The following AKAP13 variants were observed in gnomAD, a reference collection of about 807,000 sequenced individuals.
AKAP13 encodes the protein A-kinase anchoring protein 13.
A neutral mutation model predicts 264.5 loss-of-function variants in AKAP13; 80 were observed. The ratio of observed to expected loss-of-function variants is 0.30; its 90% confidence interval spans 0.25 to 0.36. The LOEUF is 0.36. AKAP13 is among the 10% of genes least tolerant of loss of function. The pLI is 1.00. For synonymous variants in AKAP13, 1,380 were observed against 1,250.2 expected, an observed-to-expected ratio of 1.10 and a Z score of -2.19; for missense variants, 3,712 against 3,435.2, an observed-to-expected ratio of 1.08 and a Z score of -2.01.
intron 14 of AKAP13, among the ~76,000 whole-genome samples, chr15:85,672,044 G>A (rs1029806894): frequency 1.3e-5 from 2 of 152,166 alleles, no homozygotes; most frequent in African/African-American, 4.8e-5. Flanking sequence ...TCCCCAAAGC[G>A]CTATTCTAGA....
chr15:85,727,179 A>G lies in AKAP13; in HGVS notation c.6936A>G (p.Glu2312=). 6.2e-7 allele frequency: 1 copy of G among 1,614,208 alleles called. No homozygotes were observed. Among genetic ancestry groups the G allele is most frequent in the Non-Finnish European group, 8.5e-7 (1 of 1,180,022 alleles). The change falls in exon 28 of 37, where the codon GAA becomes GAG. Residue 2312 remains glutamate (E), a synonymous_variant. Coordinates refer to ENST00000394518, the MANE Select transcript of AKAP13 (RefSeq NM_007200.5). The surrounding 1 kb of genome is among the most constrained non-coding windows in gnomAD (Gnocchi z 5.3). ...SMGMTDPEMV[E]VHASSKEERN... ...GGATGACAGATCCAGAGATGGTAGA[A>G]GTCCATGCCAGCTCCAAAGAGGAAC... is the stretch of plus-strand genomic sequence containing the variant.
chr15:85,705,271 G>A (rs1316238210), intron 17 of AKAP13, among the ~76,000 whole-genome samples: 1 of 152,080 alleles, frequency 6.6e-6, no homozygotes, highest in Non-Finnish European at 1.5e-5. Context: ...TTAAATCTCT[G>A]TAGGGTGTTG....
chr15:85,725,472 A>AT (rs1284969075), intron 26 of AKAP13, among the ~76,000 whole-genome samples: 1 of 152,206 alleles, frequency 6.6e-6, no homozygotes, highest in Non-Finnish European at 1.5e-5. Context: ...TACACAGAAA[A>AT]TTGCAGTAGT....
At chr15:85,399,593 T>TA (rs1387274546) in intron 1 of AKAP13, among the ~76,000 whole-genome samples, 2 of 150,564 alleles carry the variant, frequency 1.3e-5, no homozygotes, top group African/African-American at 4.9e-5. Flanking sequence ...CTCATAGAAT[T>TA]ACTGGATTAC....
Position 85,521,472 on chromosome 15 carries a change from T to G in AKAP13, c.78T>G (p.Ala26=). The change falls in exon 3 of 37, where the codon GCT becomes GCG. Residue 26 remains alanine, a synonymous_variant. Coordinates refer to ENST00000394518, the MANE Select transcript of AKAP13 (RefSeq NM_007200.5). ...TGCTGCTTGCTGAAGAGGACAAAGC[T>G]GAAGATGATGTAGTGTTTTACTTGG... is the stretch of plus-strand genomic sequence containing the variant. ...VTVLLAEEDK[A]EDDVVFYLVF... 2 of 1,614,196 alleles carry G rather than the reference T, an allele frequency of 1.2e-6. No homozygotes were observed. The highest frequency in any genetic ancestry group is 1.7e-5 in the Admixed American group (1 of 60,026).
intron 1 of AKAP13, among the ~76,000 whole-genome samples, chr15:85,462,130 A>G (rs1194662681): frequency 6.6e-6 from 1 of 152,200 alleles, no homozygotes; most frequent in Non-Finnish European, 1.5e-5. Context: ...ACCAGCAGTC[A>G]CTGGATGAGT....
rs373428614 is a variant in AKAP13 at position 85,536,723 on chromosome 15, A to G, written c.478+2843A>G. The G allele has an allele frequency of 3.3e-5, 5 of 152,352 alleles. No homozygotes were observed. In the East Asian group the frequency reaches 9.6e-4, roughly 29 times the overall value. 9.4% of individuals were successfully genotyped at this position (152,352 alleles called of 1,614,324 possible). ...ATGCGGGAAAATGAAGTCAGTTTCCAAAGGTTCCATACTATGTGATTCTAT... is the reference window on the plus strand; with the variant it reads ...ATGCGGGAAAATGAAGTCAGTTTCCGAAGGTTCCATACTATGTGATTCTAT... On this transcript the variant is annotated intron_variant, in intron 4 of 36. Transcript: ENST00000394518.
intron 33 of AKAP13, among the ~76,000 whole-genome samples, chr15:85,738,875 TG>T (rs1270988296): frequency 7.0e-6 from 1 of 143,388 alleles, no homozygotes; most frequent in Non-Finnish European, 1.5e-5. Flanking sequence ...AAAAGTTTGG[TG>T]TTTATATTTC....
At chr15:85,498,203 T>TAGATAG (rs1222254476) in intron 2 of AKAP13, among the ~76,000 whole-genome samples, 2 of 14,358 alleles carry the variant, frequency 1.4e-4, no homozygotes, top group South Asian at 1.8e-3. Flanking sequence ...AAGTGAGATA[T>TAGATAG]ATATATATAT....
intron 33 of AKAP13, among the ~76,000 whole-genome samples, chr15:85,738,737 C>T (rs1258884221): frequency 1.3e-5 from 2 of 149,666 alleles, no homozygotes; most frequent in East Asian, 3.9e-4. Context: ...ACTCGGGAGG[C>T]TGAGGCAGGA....
At chr15:85,643,963 G>C (rs542100814) in intron 9 of AKAP13, among the ~76,000 whole-genome samples, 2 of 152,162 alleles carry the variant, frequency 1.3e-5, no homozygotes, top group African/African-American at 4.8e-5. Flanking sequence ...GACTGTCCCC[G>C]TTTTGGATGC....
intron 1 of AKAP13, among the ~76,000 whole-genome samples, chr15:85,475,073 G>A (rs775018421): frequency 1.3e-5 from 2 of 152,146 alleles, no homozygotes; most frequent in Non-Finnish European, 1.5e-5. Flanking sequence ...TTTATAATTG[G>A]TTTAGCCCAT....
chr15:85,593,194 C>T (rs891668525), intron 8 of AKAP13, among the ~76,000 whole-genome samples: 7 of 152,116 alleles, frequency 4.6e-5, no homozygotes, highest in Non-Finnish European at 8.8e-5. Flanking sequence ...CCCCTGTAAT[C>T]CCAGCTACTT....
intron 8 of AKAP13, chr15:85,619,212 G>C (rs902654979): frequency 1.2e-5 from 3 of 245,426 alleles, no homozygotes; most frequent in African/African-American, 7.0e-5. Flanking sequence ...TTTTCTCTTC[G>C]TCTCGGTAGA....
intron 13 of AKAP13, among the ~76,000 whole-genome samples, chr15:85,665,341 C>A (rs1264755694): frequency 2.0e-5 from 3 of 152,172 alleles, no homozygotes; most frequent in Non-Finnish European, 2.9e-5. Context: ...CCATCTTTTA[C>A]CCTCTCAATA....
intron 33 of AKAP13, among the ~76,000 whole-genome samples, chr15:85,737,633 C>G (rs1189682337): frequency 6.6e-6 from 1 of 152,112 alleles, no homozygotes; most frequent in Non-Finnish European, 1.5e-5. Flanking sequence ...AGGAATCCTT[C>G]AGTGTGCTTA....
intron 33 of AKAP13, among the ~76,000 whole-genome samples, chr15:85,737,655 C>T (rs1465127268): frequency 6.6e-6 from 1 of 152,126 alleles, no homozygotes; most frequent in Non-Finnish European, 1.5e-5. Context: ...CTTTAAATGA[C>T]AAACCTGAGC....
intron 8 of AKAP13, among the ~76,000 whole-genome samples, chr15:85,606,870 G>C (rs1432147759): frequency 6.6e-6 from 1 of 152,128 alleles, no homozygotes; most frequent in Non-Finnish European, 1.5e-5. Context: ...TTCTTTCCCA[G>C]GATCACCTCT....
In AKAP13 at chr15:85,498,437, C is replaced by CT. The variant is rs2075950639; in HGVS notation, c.33+12687dup. ...AACACCTTCCTTGTAAGGTAACTTA[C>CT]TTTATCTCCTCACCCATGTGAGATC... is the stretch of plus-strand genomic sequence containing the variant. On this transcript the variant is annotated intron_variant, in intron 2 of 36. Transcript: ENST00000394518. Among the ~76,000 whole-genome samples the CT allele has an allele frequency of 2.0e-5, 3 of 152,074 alleles. No homozygotes were observed. In the East Asian group the frequency reaches 5.8e-4, roughly 29 times the overall value.
Sources: allele counts gnomAD v4.1 joint callset (sites outside exome capture counted in the v4.1 genomes callset), GRCh38; gene constraint gnomAD v4.1.1; non-coding constraint Gnocchi (gnomAD v3.1); transcripts MANE v1.5; gene names NCBI Gene and HGNC (gene_info 2026-07-23, HGNC 2026-07-21).